The following ZSCAN5A variants were observed in gnomAD, a reference collection of about 807,000 sequenced individuals.
The protein encoded by ZSCAN5A is zinc finger and SCAN domain containing 5A, also known as zinc finger and SCAN domain-containing protein 5A.
A neutral mutation model predicts 23.7 loss-of-function variants in ZSCAN5A; 12 were observed. The ratio of observed to expected loss-of-function variants is 0.51; its 90% CI spans 0.32 to 0.82. The LOEUF (loss-of-function observed/expected upper bound fraction) is 0.82. Ranked by LOEUF, ZSCAN5A falls within the 40% of genes least tolerant of loss-of-function variation. The probability of loss-of-function intolerance (pLI) is 0.03; values close to 1 mark genes in which losing one functional copy is unlikely to be tolerated. For missense variants in ZSCAN5A, 597 were observed against 617.9 expected, an observed-to-expected ratio of 0.97 and a Z score of 0.36; for synonymous variants, 257 against 239.9, an observed-to-expected ratio of 1.07 and a Z score of -0.66.
intron 2 of ZSCAN5A, among the ~76,000 whole-genome samples, chr19:56,260,375 C>T (rs572175518): frequency 4.6e-5 from 7 of 151,912 alleles, no homozygotes; most frequent in African/African-American, 1.4e-4. Context: ...CCACCACGCC[C>T]GGCTAGTTAT....
intron 2 of ZSCAN5A, among the ~76,000 whole-genome samples, chr19:56,292,365 C>G (rs1054040937): frequency 6.6e-6 from 1 of 152,058 alleles, no homozygotes; most frequent in Non-Finnish European, 1.5e-5. Flanking sequence ...TGGGCTCAAG[C>G]GATCCTTCTT....
chr19:56,317,292 C>T (rs1445067512), upstream of ZSCAN5A: 6 of 152,234 alleles, frequency 3.9e-5, no homozygotes, highest in Admixed American at 2.0e-4. Context: ...TTTAGTAACT[C>T]GGGAGGAAGG....
chr19:56,246,867 G>C (rs751010569), intron 2 of ZSCAN5A: 4 of 1,610,938 alleles, frequency 2.5e-6, no homozygotes, highest in South Asian at 1.1e-5. Flanking sequence ...GAGACGCTCT[G>C]AATCTGAGAT....
chr19:56,242,372 G>A (rs1003982564), intron 2 of ZSCAN5A, among the ~76,000 whole-genome samples: 19 of 152,154 alleles, frequency 1.2e-4, no homozygotes, highest in Non-Finnish European at 2.4e-4. Context: ...CACTTCTAGC[G>A]GGTTATGTGT....
At chr19:56,311,293 G>C (rs1211416389) in intron 2 of ZSCAN5A, among the ~76,000 whole-genome samples, 1 of 151,872 alleles carries the variant, frequency 6.6e-6, no homozygotes, top group East Asian at 1.9e-4. Context: ...ATTAACAATC[G>C]GCCTTTATCA....
Position 56,358,012 on chromosome 19 carries a change from A to T in ZSCAN5A, c.-358+5223T>A, listed in dbSNP as rs375425449. Among the ~76,000 whole-genome samples, 3 of 149,200 alleles carry T rather than the reference A, an allele frequency of 2.0e-5. No homozygotes were observed. In the South Asian group the frequency reaches 6.4e-4, roughly 32 times the overall value. ...TAAACCAAGAAAGGTCAAAAAAGACAAAGAAGGGCATTAGGTAATGGTAAA... is the reference window on the plus strand; with the variant it reads ...TAAACCAAGAAAGGTCAAAAAAGACTAAGAAGGGCATTAGGTAATGGTAAA... On this transcript the variant is annotated intron_variant, in intron 2 of 6. Coordinates refer to the ZSCAN5A transcript ENST00000587340.
chr19:56,296,743 A>C (rs1444232087), intron 2 of ZSCAN5A, among the ~76,000 whole-genome samples: 1 of 151,946 alleles, frequency 6.6e-6, no homozygotes, highest in Non-Finnish European at 1.5e-5. Flanking sequence ...CGGGAAACTT[A>C]AGTTTTTTGG....
At chr19:56,327,717 A>G (rs2041448268) in intron 2 of ZSCAN5A, among the ~76,000 whole-genome samples, 1 of 151,548 alleles carries the variant, frequency 6.6e-6, no homozygotes, top group Non-Finnish European at 1.5e-5. Context: ...ACATAAATTT[A>G]TGTATATATT....
chr19:56,320,487 C>A (rs1002348331), intron 2 of ZSCAN5A: 4 of 374,990 alleles, frequency 1.1e-5, no homozygotes, highest in Non-Finnish European at 2.0e-5. Context: ...CAAAATTAGC[C>A]TGTAACTCCA....
At chr19:56,254,936 C>T (rs557274581) in intron 2 of ZSCAN5A, among the ~76,000 whole-genome samples, 8 of 152,136 alleles carry the variant, frequency 5.3e-5, no homozygotes, top group African/African-American at 1.7e-4. Context: ...TGGAGATGAA[C>T]CCCTTTTCAG....
intron 2 of ZSCAN5A, among the ~76,000 whole-genome samples, chr19:56,356,202 G>T (rs2041699448): frequency 6.7e-6 from 1 of 148,372 alleles, no homozygotes; most frequent in African/African-American, 2.5e-5. Context: ...GAGTTCAGGA[G>T]AGCCTTTATT....
At chr19:56,328,994 CAA>C (rs61646242) in intron 2 of ZSCAN5A, among the ~76,000 whole-genome samples, 3 of 106,362 alleles carry the variant, frequency 2.8e-5, no homozygotes, top group Non-Finnish European at 6.5e-5. Context: ...GACTCCGTCT[CAA>C]AAAAAAAAAA....
At chr19:56,331,622 C>G (rs567894612) in intron 2 of ZSCAN5A, among the ~76,000 whole-genome samples, 3 of 115,142 alleles carry the variant, frequency 2.6e-5, no homozygotes, top group Non-Finnish European at 4.9e-5. Flanking sequence ...GAGTCTCGCT[C>G]TGTCACCCAG....
chr19:56,297,629 C>T (rs1460959740), intron 2 of ZSCAN5A: 24 of 707,496 alleles, frequency 3.4e-5, no homozygotes, highest in Non-Finnish European at 4.1e-5. Flanking sequence ...TTCAGGTAAT[C>T]AAGGCCCTGC....
chr19:56,233,313 T>C (rs2034615667), intron 2 of ZSCAN5A, among the ~76,000 whole-genome samples: 1 of 152,144 alleles, frequency 6.6e-6, no homozygotes, highest in Non-Finnish European at 1.5e-5. Flanking sequence ...GGCATTCATT[T>C]AGTCCAAACA....
rs2033794232 is a variant in ZSCAN5A, at chr19:56,225,150, T to C, written c.-104A>G. 9 of 1,485,108 alleles carry C rather than the reference T, an allele frequency of 6.1e-6. No homozygotes were observed. Among genetic ancestry groups the C allele is most frequent in the Non-Finnish European group, 6.2e-6 (7 of 1,127,848 alleles). The allele number at this position is 1,485,108 out of a possible 1,614,324, so 92.0% of individuals were successfully genotyped here. On this transcript the variant is annotated 5_prime_UTR_variant, in exon 3 of 6. Transcript: ENST00000683990. ...GGCTTCCTCTGGTTTTCCTCAGTAATAGATTCACTGTTCATTCAGAAGTCT... is the reference window on the plus strand; with the variant it reads ...GGCTTCCTCTGGTTTTCCTCAGTAACAGATTCACTGTTCATTCAGAAGTCT...
chr19:56,264,033 GATCTTGGCTCACTGCAACAGCACT>G (rs1181841017), intron 2 of ZSCAN5A, among the ~76,000 whole-genome samples: 9 of 149,874 alleles, frequency 6.0e-5, no homozygotes, highest in African/African-American at 2.2e-4. Context: ...GCAATGGCAT[GATCTTGGCTCACTGCAACAGCACT>G]ATCTTGGCTC....
At chr19:56,329,507 T>C (rs114840765) in intron 2 of ZSCAN5A, among the ~76,000 whole-genome samples, 11,603 of 151,960 alleles carry the variant, frequency 0.076, 498 homozygotes, top group South Asian at 0.16. Context: ...AATTCTATAT[T>C]CAATAGTCTA....
intron 2 of ZSCAN5A, chr19:56,282,851 G>T (rs1249265444): frequency 6.6e-6 from 1 of 152,206 alleles, no homozygotes; most frequent in African/African-American, 2.4e-5. Context: ...GCTTTCTGAG[G>T]TCAGGTAGTA....
Sources: gnomAD v4.1 joint callset for allele counts (sites outside exome capture counted in the v4.1 genomes callset) on GRCh38, gnomAD v4.1.1 for gene constraint, MANE v1.5 for transcripts, NCBI Gene and HGNC (gene_info 2026-07-23, HGNC 2026-07-21) for gene names.